The following ARHGAP6 variants were observed in gnomAD, a reference collection of about 807,000 sequenced individuals.
ARHGAP6 encodes the protein rho GTPase-activating protein 6.
Under a neutral mutation model 55.7 loss-of-function variants are expected in ARHGAP6, and 16 were observed. The observed-to-expected ratio is 0.29, with a 90% CI of 0.19 to 0.44. The LOEUF (loss-of-function observed/expected upper bound fraction) is 0.44, where lower values mean the gene tolerates loss of function less well. ARHGAP6 is among the 20% of genes least tolerant of loss of function. The pLI is 1.00. For synonymous variants in ARHGAP6, 382 were observed against 360.9 expected, an observed-to-expected ratio of 1.06 and a Z score of -0.66; for missense variants, 698 against 808.9, an observed-to-expected ratio of 0.86 and a Z score of 1.66.
intron 1 of ARHGAP6, among the ~76,000 whole-genome samples, chrX:11,558,161 G>A (rs2051340619): frequency 1.8e-5 from 2 of 111,983 alleles, no homozygotes; most frequent in South Asian, 7.5e-4. Context: ...GAGAGGAGCT[G>A]TAGTATGTCC....
chrX:11,190,083 G>C (rs750683395), intron 3 of ARHGAP6, among the ~76,000 whole-genome samples: 4 of 111,664 alleles, frequency 3.6e-5, no homozygotes, highest in Non-Finnish European at 5.6e-5. Context: ...GGTAGAAAGA[G>C]ACTTTAAAAG....
At chrX:11,269,157 T>C (rs1442728179) in intron 1 of ARHGAP6, among the ~76,000 whole-genome samples, 2 of 111,478 alleles carry the variant, frequency 1.8e-5, no homozygotes, top group African/African-American at 6.5e-5. Context: ...ATATAGCAGC[T>C]GACCTCACTT....
chrX:11,139,080 C>G lies in ARHGAP6; in HGVS notation c.2708G>C (p.Gly903Ala), dbSNP rs759661163. 2.9e-5 allele frequency: 35 copies of G among 1,202,347 alleles called. No homozygotes were observed. The highest frequency in any genetic ancestry group is 3.9e-5 in the Non-Finnish European group (35 of 891,582). The change falls in exon 13 of 13, where the codon GGC (glycine) becomes GCC (alanine). Residue 903 changes from glycine (G) to alanine (A), a missense_variant. By Grantham distance (60) the Gly-to-Ala change is moderately conservative. Transcript: ENST00000337414. ...TCCCTGGTCCGTGGGTGTCTCCACGCCTTCCGGGGGCCCCTGGATCCAGGC... is the reference window on the plus strand; with the variant it reads ...TCCCTGGTCCGTGGGTGTCTCCACGGCTTCCGGGGGCCCCTGGATCCAGGC... ...AAAWIQGPPEGVETPTDQGGQ... is the reference protein window; with the variant it reads ...AAAWIQGPPEAVETPTDQGGQ...
chrX:11,425,992 GT>G (rs1367539260), intron 1 of ARHGAP6, among the ~76,000 whole-genome samples: 1 of 111,603 alleles, frequency 9.0e-6, no homozygotes, highest in African/African-American at 3.3e-5. Flanking sequence ...TTGAAAAGTG[GT>G]TACCCTTTAA....
chrX:11,381,687 A>G (rs2049264874), intron 1 of ARHGAP6, among the ~76,000 whole-genome samples: 1 of 111,939 alleles, frequency 8.9e-6, no homozygotes, highest in Admixed American at 9.5e-5. Flanking sequence ...AGTCACACAT[A>G]TTTGTCAGAC....
At chrX:11,643,423 T>C (rs1032642979) in intron 1 of ARHGAP6, among the ~76,000 whole-genome samples, 7 of 112,290 alleles carry the variant, frequency 6.2e-5, no homozygotes, top group Non-Finnish European at 1.3e-4. Context: ...CTCCCTCTTC[T>C]TTGTTTCCAA....
At chrX:11,256,257 C>G (rs191934180) in intron 1 of ARHGAP6, among the ~76,000 whole-genome samples, 1 of 111,804 alleles carries the variant, frequency 8.9e-6, no homozygotes, top group Non-Finnish European at 1.9e-5. Flanking sequence ...GGCATGGTGG[C>G]GCATGCCTGT....
intron 1 of ARHGAP6, among the ~76,000 whole-genome samples, chrX:11,590,823 A>G (rs1454946561): frequency 5.8e-5 from 3 of 51,620 alleles, no homozygotes; most frequent in African/African-American, 2.4e-4. Context: ...AAAGAAAAGA[A>G]AAGAAAAGAA....
chrX:11,306,571 C>G, intron 1 of ARHGAP6, among the ~76,000 whole-genome samples: 1 of 112,573 alleles, frequency 8.9e-6, no homozygotes, highest in Non-Finnish European at 1.9e-5. Context: ...GTCTCTATCA[C>G]CAATTTACAA....
chrX:11,644,319 A>G (rs1054365892), intron 1 of ARHGAP6, among the ~76,000 whole-genome samples: 8 of 110,808 alleles, frequency 7.2e-5, no homozygotes, highest in Non-Finnish European at 1.5e-4. Context: ...AAATGTTACT[A>G]CAACCACACT....
intron 1 of ARHGAP6, among the ~76,000 whole-genome samples, chrX:11,342,880 C>G (rs902508975): frequency 4.5e-5 from 5 of 112,144 alleles, no homozygotes; most frequent in Non-Finnish European, 9.4e-5. Context: ...TACAAAACAC[C>G]ATGTCACTGC....
chrX:11,435,107 G>T lies in ARHGAP6; in HGVS notation c.589-180400C>A, dbSNP rs777900992. On this transcript the variant is annotated intron_variant, in intron 1 of 12. Coordinates refer to ENST00000337414, the MANE Select transcript of ARHGAP6 (RefSeq NM_013427.3). ...TTGGAGGGAGGGGGAGATGCTACTG[G>T]TATCTACTAGGTAGAGGCCAGATAT... is the stretch of plus-strand genomic sequence containing the variant. 5.4e-5 allele frequency among the ~76,000 whole-genome samples: 6 copies of T among 111,848 alleles called. No homozygotes were observed. In the South Asian group the frequency reaches 2.3e-3, roughly 42 times the overall value.
rs770221770 is a variant in ARHGAP6 at position 11,544,103 on chromosome X, G to A, written c.588+120138C>T. Among the ~76,000 whole-genome samples the A allele has an allele frequency of 8.9e-5, 10 of 112,160 alleles. No individual in the cohort carries two copies. In the Admixed American group the frequency reaches 9.5e-4, roughly 11 times the overall value. On this transcript the variant is annotated intron_variant, in intron 1 of 12. Coordinates refer to ENST00000337414, the MANE Select transcript of ARHGAP6 (RefSeq NM_013427.3). ...GGCCCCCTTTCTTATATCTAGGCTG[G>A]TTCAATTGTTTTTAGGCATTTGGGA... is the stretch of plus-strand genomic sequence containing the variant.
chrX:11,617,532 C>T (rs1305713164), intron 1 of ARHGAP6, among the ~76,000 whole-genome samples: 1 of 111,705 alleles, frequency 9.0e-6, no homozygotes, highest in Non-Finnish European at 1.9e-5. Flanking sequence ...GCAAAAGCAA[C>T]TCTGAAGATG....
At chrX:11,522,448 C>A (rs1392409330) in intron 1 of ARHGAP6, among the ~76,000 whole-genome samples, 2 of 111,212 alleles carry the variant, frequency 1.8e-5, no homozygotes, top group East Asian at 2.8e-4. Flanking sequence ...AATCCAGGAG[C>A]TGGTTTTTTG....
chrX:11,555,579 C>T (rs1345776916), intron 1 of ARHGAP6, among the ~76,000 whole-genome samples: 1 of 110,211 alleles, frequency 9.1e-6, no homozygotes, highest in African/African-American at 3.3e-5. Flanking sequence ...ATGGTGAAAC[C>T]CCGTTTCTAC....
chrX:11,188,162 T>G (rs1402566211), intron 4 of ARHGAP6, among the ~76,000 whole-genome samples: 1 of 112,408 alleles, frequency 8.9e-6, no homozygotes, highest in Non-Finnish European at 1.9e-5. Flanking sequence ...GCATGAACAA[T>G]TCAAATAATA....
chrX:11,550,049 A>G (rs760738839), intron 1 of ARHGAP6, among the ~76,000 whole-genome samples: 11 of 112,218 alleles, frequency 9.8e-5, no homozygotes, highest in Non-Finnish European at 1.9e-4. Context: ...ATGAATGAGT[A>G]AAAAACATTG....
At chrX:11,660,608 G>A (rs1481276369) in intron 1 of ARHGAP6, among the ~76,000 whole-genome samples, 1 of 96,559 alleles carries the variant, frequency 1.0e-5, no homozygotes, top group Non-Finnish European at 2.0e-5. Flanking sequence ...GACTTTATTC[G>A]GTCAGGCTTT....
Sources: gnomAD v4.1 joint callset for allele counts (sites outside exome capture counted in the v4.1 genomes callset) on GRCh38, gnomAD v4.1.1 for gene constraint, MANE v1.5 for transcripts, NCBI Gene and HGNC (gene_info 2026-07-23, HGNC 2026-07-21) for gene names.